The following HELZ2 variants were observed in gnomAD, a reference collection of about 807,000 sequenced individuals.
The protein encoded by HELZ2 is 3'-5' exoribonuclease HELZ2.
Under a neutral mutation model 208.8 loss-of-function variants are expected in HELZ2, and 143 were observed. That is an observed-to-expected ratio of 0.68 (90% CI 0.60 to 0.79). HELZ2 has a LOEUF of 0.79. Among genes scored for constraint, HELZ2 ranks in the 30% least tolerant of loss-of-function variants. The probability of loss-of-function intolerance (pLI) is 0.00; values close to 1 mark genes in which losing one functional copy is unlikely to be tolerated. For synonymous variants in HELZ2, 1,705 were observed against 1,693.7 expected (o/e 1.01, Z -0.16); for missense variants, 3,690 against 3,794.5 (o/e 0.97, Z 0.72).
chr20:63,562,624 C>G lies in HELZ2; in HGVS notation c.6198G>C (p.Val2066=), dbSNP rs554216073. The change falls in exon 8 of 19, where the codon GTG becomes GTC. Residue 2066 remains valine (V), a synonymous_variant. Coordinates refer to ENST00000467148, the Ensembl canonical transcript of HELZ2. ...TGCCCATGTGGTGGACGAAGAGGTGCACCCGTCTGGGAGCCTCCTGCCGGT... is the reference window on the plus strand; with the variant it reads ...TGCCCATGTGGTGGACGAAGAGGTGGACCCGTCTGGGAGCCTCCTGCCGGT... 6 of 1,591,780 alleles carry G rather than the reference C, an allele frequency of 3.8e-6. No individual in the cohort carries two copies. The Admixed American group carries it at 7.0e-5, about 19-fold the overall frequency.
chr20:63,559,012 C>T (rs1292784338), downstream of HELZ2: 20 of 475,290 alleles, frequency 4.2e-5, no homozygotes, highest in Admixed American at 7.8e-5. Flanking sequence ...CAAGGAAGCC[C>T]CTCTTGGCCA....
chr20:63,565,638 A>G (rs2082945112), exon 8 of HELZ2: 4 of 1,610,802 alleles, frequency 2.5e-6, no homozygotes, highest in Middle Eastern at 1.6e-4. Context: ...TCCCACGGCC[A>G]GAAGTCAGCC....
At chr20:63,569,095 C>T (rs1254449211) in intron 4 of HELZ2, 53 bp downstream of exon 5, 1 of 1,583,852 alleles carries the variant, frequency 6.3e-7, no homozygotes, top group Non-Finnish European at 8.6e-7. Flanking sequence ...CAGCCGCTCC[C>T]ATTGCCCCAG....
chr20:63,569,637 T>G (rs1383321075), exon 4 of HELZ2: 46 of 1,543,404 alleles, frequency 3.0e-5, no homozygotes, highest in Non-Finnish European at 3.8e-5. Context: ...TGGCTCCTGC[T>G]TCAGCAGGGC....
At chr20:63,559,044 C>G, downstream of HELZ2, 1 of 559,972 alleles carries the variant, frequency 1.8e-6, no homozygotes, top group South Asian at 2.5e-5. Context: ...GTTCCTGTCC[C>G]CAGATGCCCA....
exon 8 of HELZ2, chr20:63,563,928 C>T (rs768530332): frequency 1.6e-5 from 25 of 1,592,996 alleles, no homozygotes; most frequent in Non-Finnish European, 2.1e-5. Context: ...CCTGCAGGAG[C>T]CAGGAATGGG....
At chr20:63,569,416 C>T in exon 4 of HELZ2, 1 of 1,608,594 alleles carries the variant, frequency 6.2e-7, no homozygotes, top group Non-Finnish European at 8.5e-7. Context: ...GGGCGACGCC[C>T]CTGGCCCAGC....
Position 63,567,479 on chromosome 20 carries a change from G to A in HELZ2, c.1879C>T (p.Arg627Cys), listed in dbSNP as rs777329908. 87 of 1,555,770 alleles carry A rather than the reference G, an allele frequency of 5.6e-5. No homozygotes were observed. The highest frequency in any genetic ancestry group is 6.4e-5 in the Non-Finnish European group (74 of 1,150,014). ...CGTGTGGGCGGGCGGAAAGCCTGGC[G>A]GTCGTCGGTCAGGCAACAGTACTGC... The change falls in exon 6 of 19, where the codon CGC (arginine) becomes TGC (cysteine). Residue 627 changes from arginine to cysteine, a missense_variant. This residue lies in a region of HELZ2 where 1,119 missense variants were observed against 1,193.4 expected (regional missense o/e 0.94). Transcript: ENST00000467148.
In HELZ2 at chr20:63,563,733, C is replaced by CGG; in HGVS notation, c.5088_5089insCC (p.Ala1697ProfsTer274). ...CCATCGATGTCCCTGGCAGAGTAGG[C>CGG]AGAGCCCCCATGGCCCAGCGCCAGC... On this transcript the variant is annotated frameshift_variant, in exon 8 of 19. Transcript: ENST00000467148. LOFTEE classifies it high-confidence loss of function. 1 of 1,598,522 alleles carries CGG rather than the reference C, an allele frequency of 6.3e-7. No homozygotes were observed. Among genetic ancestry groups the CGG allele is most frequent in the South Asian group, 1.1e-5 (1 of 89,862 alleles).
chr20:63,562,072 C>G (rs1236635202), exon 10 of HELZ2: 2 of 1,605,972 alleles, frequency 1.2e-6, no homozygotes, highest in Non-Finnish European at 1.7e-6. Context: ...TGGGCCCTAC[C>G]TGGTGGGCCC....
chr20:63,563,176 G>T (rs2082909081), exon 8 of HELZ2: 1 of 1,592,610 alleles, frequency 6.3e-7, no homozygotes, highest in Non-Finnish European at 8.5e-7. Context: ...GCACCTGCAG[G>T]GTGTCCCCAC....
downstream of HELZ2, chr20:63,559,168 G>A (rs2082847645): frequency 2.1e-6 from 3 of 1,418,404 alleles, no homozygotes; most frequent in Non-Finnish European, 2.8e-6. Flanking sequence ...CAGGCTGATG[G>A]CGGAGGGTGG....
upstream of HELZ2, chr20:63,572,699 C>T (rs2083027189): frequency 2.7e-6 from 1 of 365,124 alleles, no homozygotes; most frequent in Non-Finnish European, 5.0e-6. Context: ...GCCTGCCCCT[C>T]CCTGGGCCCC....
At chr20:63,563,720 C>G in exon 8 of HELZ2, 3 of 1,595,888 alleles carry the variant, frequency 1.9e-6, no homozygotes, top group Non-Finnish European at 8.5e-7. Context: ...ATCGATGTCC[C>G]TGGCAGAGTA....
At chr20:63,565,253 C>A in exon 8 of HELZ2, 1 of 1,607,014 alleles carries the variant, frequency 6.2e-7, no homozygotes, top group Non-Finnish European at 8.5e-7. Context: ...GCCCAGCACG[C>A]GGCCCCGAAG....
chr20:63,570,837 T>C, exon 2 of HELZ2: 1 of 1,603,730 alleles, frequency 6.2e-7, no homozygotes, highest in Non-Finnish European at 8.5e-7. Flanking sequence ...TGTGCCTTGG[T>C]GCAGGCGTCC....
chr20:63,567,206 G>A (rs774125087), exon 6 of HELZ2: 1 of 1,607,672 alleles, frequency 6.2e-7, no homozygotes, highest in Non-Finnish European at 8.5e-7. Context: ...AAGAGGCGGT[G>A]CAGCAGCGTG....
rs764479060 is a variant in HELZ2 at position 63,563,680 on chromosome 20, G to T, written c.5142C>A (p.His1714Gln). 1.3e-6 allele frequency: 2 copies of T among 1,575,776 alleles called. No homozygotes were observed. The highest frequency in any genetic ancestry group is 2.3e-5 in the East Asian group (1 of 43,358). Residue 1714 changes from histidine to glutamine, a missense_variant, in exon 8 of 19, where the codon CAC (histidine) becomes CAA (glutamine). This residue lies in a region of HELZ2 where 2,564 missense variants were observed against 2,580.5 expected (regional missense o/e 0.99). Coordinates refer to ENST00000467148, the Ensembl canonical transcript of HELZ2. ...GCCGCTGATAGCTCTGGGCAAGTGC[G>T]TGCTGGAGGCTGAAGGCCTGGCAGA...
At chr20:63,560,977 ACC>A in intron 14 of HELZ2, 48 bp from the exon 16 acceptor site, 2 of 1,601,400 alleles carry the variant, frequency 1.2e-6, no homozygotes, top group South Asian at 2.2e-5. Context: ...ACCCAGAGGG[ACC>A]CCAGCCCCAC....
Sources: allele counts gnomAD v4.1 joint callset, GRCh38; gene constraint gnomAD v4.1.1; regional missense constraint gnomAD v4.1.1; transcripts MANE v1.5; gene names NCBI Gene and HGNC (gene_info 2026-07-23, HGNC 2026-07-21).